The following ZFAT variants were observed in gnomAD, a reference collection of about 807,000 sequenced individuals.
ZFAT encodes zinc finger and AT-hook domain containing, also known as zinc finger protein ZFAT.
Under a neutral mutation model 117.7 loss-of-function variants are expected in ZFAT, and 64 were observed. The observed-to-expected ratio is 0.54, with a 90% CI of 0.44 to 0.67. The LOEUF (loss-of-function observed/expected upper bound fraction) is 0.67. ZFAT is among the 30% of genes least tolerant of loss of function. ZFAT has a pLI of 0.00. For missense variants in ZFAT, 1,433 were observed against 1,584.5 expected (o/e 0.90, Z 1.62); for synonymous variants, 679 against 615.0 (o/e 1.10, Z -1.54).
intron 1 of ZFAT, among the ~76,000 whole-genome samples, chr8:134,663,449 T>A (rs151145159): frequency 6.6e-6 from 1 of 152,306 alleles, no homozygotes; most frequent in Non-Finnish European, 1.5e-5. Flanking sequence ...AAATTTTCAC[T>A]GTGAAACTTT....
chr8:134,659,901 A>G (rs1831842682), intron 1 of ZFAT, among the ~76,000 whole-genome samples: 1 of 152,228 alleles, frequency 6.6e-6, no homozygotes, highest in African/African-American at 2.4e-5. Context: ...CAGGGAGGTA[A>G]CGACCTGAGA....
chr8:134,640,842 C>T (rs1830538885), intron 2 of ZFAT, among the ~76,000 whole-genome samples: 1 of 152,154 alleles, frequency 6.6e-6, no homozygotes, highest in African/African-American at 2.4e-5. Context: ...GTCAACTACT[C>T]GCATTTTATG....
At chr8:134,802,477 G>A in the ZFAT span, among the ~76,000 whole-genome samples, 9 of 152,268 alleles carry the variant, frequency 5.9e-5, no homozygotes, top group Admixed American at 2.0e-4. Flanking sequence ...AAGGAACTGA[G>A]GTGTGGAGAT....
chr8:134,502,443 C>CA (rs1411546932), intron 15 of ZFAT, among the ~76,000 whole-genome samples: 1 of 152,150 alleles, frequency 6.6e-6, no homozygotes, highest in Non-Finnish European at 1.5e-5. Context: ...CCTTTTCTTG[C>CA]AAAAAACAAT....
the ZFAT span, among the ~76,000 whole-genome samples, chr8:134,820,959 A>T: frequency 1.3e-5 from 2 of 152,198 alleles, no homozygotes; most frequent in Non-Finnish European, 2.9e-5. Context: ...CACTAAATGC[A>T]TATTAAGTGA....
the ZFAT span, among the ~76,000 whole-genome samples, chr8:134,718,300 C>T: frequency 6.6e-6 from 1 of 152,040 alleles, no homozygotes; most frequent in Non-Finnish European, 1.5e-5. Flanking sequence ...AGTTCAAGAG[C>T]AGCATGGCCA....
chr8:134,578,102 C>G (rs755562860), intron 10 of ZFAT, among the ~76,000 whole-genome samples: 1 of 152,066 alleles, frequency 6.6e-6, no homozygotes, highest in Non-Finnish European at 1.5e-5. Context: ...GAGCACATAC[C>G]TGGCAGGTGT....
intron 11 of ZFAT, among the ~76,000 whole-genome samples, chr8:134,537,157 A>G (rs1186550526): frequency 6.6e-6 from 1 of 152,250 alleles, no homozygotes; most frequent in Admixed American, 6.5e-5. Context: ...TAAGTCTCAC[A>G]TCAAGCTCAT....
At chr8:134,566,490 A>T (rs1013648699) in intron 10 of ZFAT, among the ~76,000 whole-genome samples, 2 of 152,108 alleles carry the variant, frequency 1.3e-5, no homozygotes. Context: ...GGTACCCTAC[A>T]TTTTGCCTCT....
intron 11 of ZFAT, among the ~76,000 whole-genome samples, chr8:134,534,734 A>G (rs572758258): frequency 7.9e-5 from 11 of 138,402 alleles, no homozygotes; most frequent in Admixed American, 2.2e-4. Context: ...GGAGAGAGAG[A>G]AAGAGAGGGA....
intron 11 of ZFAT, among the ~76,000 whole-genome samples, chr8:134,538,547 C>T (rs917374842): frequency 6.6e-6 from 1 of 152,078 alleles, no homozygotes; most frequent in Non-Finnish European, 1.5e-5. Flanking sequence ...CCTGTAATCC[C>T]AGTATTTTGG....
intron 15 of ZFAT, among the ~76,000 whole-genome samples, chr8:134,480,312 T>A (rs140902900): frequency 6.6e-6 from 1 of 152,332 alleles, no homozygotes; most frequent in Non-Finnish European, 1.5e-5. Flanking sequence ...TATTCTAGCA[T>A]GTCAATCACT....
the ZFAT span, among the ~76,000 whole-genome samples, chr8:134,809,550 C>T: frequency 1.3e-5 from 2 of 152,108 alleles, no homozygotes; most frequent in Non-Finnish European, 2.9e-5. Flanking sequence ...GATAATTTAC[C>T]TTAATTGTGA....
At chr8:134,794,981 T>A in the ZFAT span, 1 of 152,236 alleles carries the variant, frequency 6.6e-6, no homozygotes, top group Non-Finnish European at 1.5e-5. Context: ...ACCATTTTTT[T>A]ATTTTAATTT....
At chr8:134,779,182 T>G in the ZFAT span, among the ~76,000 whole-genome samples, 1 of 150,248 alleles carries the variant, frequency 6.7e-6, no homozygotes, top group Admixed American at 6.7e-5. Flanking sequence ...AAGTGTCTTG[T>G]TTTTTTCCTC....
intron 3 of ZFAT, among the ~76,000 whole-genome samples, chr8:134,614,282 G>A (rs1271336731): frequency 6.6e-6 from 1 of 151,960 alleles, no homozygotes; most frequent in Admixed American, 6.6e-5. Context: ...TACCCCTTTG[G>A]GCTCCAACAA....
At chr8:134,589,518 T>A (rs1412389892) in intron 8 of ZFAT, among the ~76,000 whole-genome samples, 1 of 152,220 alleles carries the variant, frequency 6.6e-6, no homozygotes, top group Non-Finnish European at 1.5e-5. Context: ...CACAATACAC[T>A]TGTCTGCTTT....
the ZFAT span, chr8:134,766,050 T>G: frequency 3.3e-5 from 5 of 152,250 alleles, no homozygotes; most frequent in African/African-American, 4.8e-5. Context: ...TGTGTTTGTA[T>G]AGAAGTTACA....
intron 13 of ZFAT, among the ~76,000 whole-genome samples, chr8:134,516,762 A>C (rs761825087): frequency 6.6e-6 from 1 of 152,078 alleles, no homozygotes; most frequent in South Asian, 2.1e-4. Context: ...CTCCTGAGGT[A>C]AGAGAATTGC....
Sources: allele counts gnomAD v4.1 joint callset (sites outside exome capture counted in the v4.1 genomes callset), GRCh38; gene constraint gnomAD v4.1.1; transcripts MANE v1.5; gene names NCBI Gene and HGNC (gene_info 2026-07-23, HGNC 2026-07-21).